SLIT3: variants seen among roughly 807,000 people sequenced by gnomAD.
The protein encoded by SLIT3 is slit guidance ligand 3.
A neutral mutation model predicts 184.0 loss-of-function variants in SLIT3; 68 were observed. That is an observed-to-expected ratio of 0.37 (90% CI 0.30 to 0.45). SLIT3 has a LOEUF of 0.45. SLIT3 is among the 20% of genes least tolerant of loss of function. The probability of loss-of-function intolerance (pLI) is 1.00; values close to 1 mark genes in which losing one functional copy is unlikely to be tolerated. For missense variants in SLIT3, 1,707 were observed against 2,026.0 expected (o/e 0.84, Z 3.02); for synonymous variants, 831 against 828.6 (o/e 1.00, Z -0.05).
At chr5:169,211,631 A>G (rs1764268398) in intron 3 of SLIT3, among the ~76,000 whole-genome samples, 2 of 152,008 alleles carry the variant, frequency 1.3e-5, no homozygotes, top group African/African-American at 4.8e-5. Context: ...AAACATGTCT[A>G]AGTAGCTGGC....
At chr5:169,217,139 A>AC (rs1192225985) in intron 3 of SLIT3, among the ~76,000 whole-genome samples, 5 of 147,710 alleles carry the variant, frequency 3.4e-5, no homozygotes. Flanking sequence ...TTAAAAAAAA[A>AC]AAAAAAAAAA....
chr5:169,212,915 G>C (rs1274017659), intron 3 of SLIT3, among the ~76,000 whole-genome samples: 3 of 152,110 alleles, frequency 2.0e-5, no homozygotes, highest in Admixed American at 6.6e-5. Flanking sequence ...TTTCCCCATT[G>C]CTTGTCTTTG....
At chr5:168,695,905 G>C (rs1762050004) in intron 28 of SLIT3, among the ~76,000 whole-genome samples, 1 of 152,212 alleles carries the variant, frequency 6.6e-6, no homozygotes, top group Admixed American at 6.5e-5. Context: ...TCCTAGCTAA[G>C]TGTCTGGAAA....
At chr5:168,845,826 T>C (rs1158972536) in intron 5 of SLIT3, among the ~76,000 whole-genome samples, 2 of 152,140 alleles carry the variant, frequency 1.3e-5, no homozygotes, top group Non-Finnish European at 2.9e-5. Context: ...CACACTATGG[T>C]CTTTGGGGCT....
chr5:169,125,262 G>T (rs1225446584), intron 4 of SLIT3, among the ~76,000 whole-genome samples: 1 of 152,146 alleles, frequency 6.6e-6, no homozygotes, highest in African/African-American at 2.4e-5. Context: ...TGACCAGGAT[G>T]GTCTCGATCT....
chr5:169,046,539 T>C (rs1000062420), intron 4 of SLIT3, among the ~76,000 whole-genome samples: 7 of 152,276 alleles, frequency 4.6e-5, no homozygotes, highest in Middle Eastern at 3.4e-3. Context: ...TTGGAGCAGA[T>C]CAGAACTGAG....
intron 1 of SLIT3, among the ~76,000 whole-genome samples, chr5:169,278,789 C>T (rs1026575313): frequency 2.0e-4 from 31 of 152,130 alleles, no homozygotes; most frequent in Non-Finnish European, 4.1e-4. Context: ...CTCATTTTGG[C>T]AAGGGGTTTG....
intron 2 of SLIT3, among the ~76,000 whole-genome samples, 192 bp downstream of exon 2, chr5:169,251,196 G>T (rs1024916035): frequency 4.6e-5 from 7 of 152,176 alleles, no homozygotes; most frequent in African/African-American, 1.7e-4. Flanking sequence ...ATCTAGCTCA[G>T]CCAGCAGCAT....
At chr5:169,127,748 T>C (rs1761134708) in intron 4 of SLIT3, among the ~76,000 whole-genome samples, 1 of 152,204 alleles carries the variant, frequency 6.6e-6, no homozygotes, top group Non-Finnish European at 1.5e-5. Flanking sequence ...ACTGTAGTTT[T>C]GTGGCCAAGT....
chr5:168,898,418 A>T (rs1760759865), intron 4 of SLIT3, among the ~76,000 whole-genome samples: 1 of 147,936 alleles, frequency 6.8e-6, no homozygotes, highest in Non-Finnish European at 1.5e-5. Context: ...TTTTTTAAAG[A>T]TCCAGCTCCT....
intron 4 of SLIT3, among the ~76,000 whole-genome samples, chr5:169,103,394 C>T (rs929706219): frequency 1.3e-5 from 2 of 152,128 alleles, no homozygotes; most frequent in Non-Finnish European, 1.5e-5. Flanking sequence ...TTTGAAAAGC[C>T]CTGGCCCAGG....
intron 4 of SLIT3, among the ~76,000 whole-genome samples, chr5:169,032,508 C>CTTTTTT (rs1204072729): frequency 7.7e-6 from 1 of 129,902 alleles, no homozygotes; most frequent in African/African-American, 3.6e-5. Context: ...ATGTGCCAGT[C>CTTTTTT]ATTTTTTTTT....
At chr5:168,891,959 T>C (rs1483552843) in intron 4 of SLIT3, among the ~76,000 whole-genome samples, 10 of 152,200 alleles carry the variant, frequency 6.6e-5, no homozygotes, top group African/African-American at 2.4e-4. Flanking sequence ...AATAACTCTC[T>C]GTGCCAGCCA....
At chr5:168,710,393 C>T (rs1762517163) in intron 25 of SLIT3, among the ~76,000 whole-genome samples, 1 of 152,110 alleles carries the variant, frequency 6.6e-6, no homozygotes, top group South Asian at 2.1e-4. Context: ...AAAAAAATCA[C>T]ATGTACAAAA....
chr5:169,038,927 A>C (rs1271560438), intron 4 of SLIT3, among the ~76,000 whole-genome samples: 1 of 152,212 alleles, frequency 6.6e-6, no homozygotes, highest in African/African-American at 2.4e-5. Flanking sequence ...GAAGAAGTCC[A>C]ACTGATGAAC....
At chr5:168,955,539 T>C (rs1332808461) in intron 4 of SLIT3, among the ~76,000 whole-genome samples, 1 of 152,148 alleles carries the variant, frequency 6.6e-6, no homozygotes, top group African/African-American at 2.4e-5. Context: ...ACCTAAGCCA[T>C]GGGGAAGGAA....
chr5:168,674,649 A>G (rs891274139), intron 32 of SLIT3, among the ~76,000 whole-genome samples: 2 of 151,766 alleles, frequency 1.3e-5, no homozygotes, highest in African/African-American at 4.8e-5. Flanking sequence ...ATGCCACCAC[A>G]AACAGCTAAT....
At chr5:168,672,690 CCTCCAA>C (rs1277439603) in intron 33 of SLIT3, among the ~76,000 whole-genome samples, 1 of 152,170 alleles carries the variant, frequency 6.6e-6, no homozygotes, top group Non-Finnish European at 1.5e-5. Flanking sequence ...CCTAGGCTGG[CCTCCAA>C]CTCCTGGGCT....
At chr5:169,234,771 G>C (rs912764846) in intron 3 of SLIT3, among the ~76,000 whole-genome samples, 1 of 152,134 alleles carries the variant, frequency 6.6e-6, no homozygotes, top group Non-Finnish European at 1.5e-5. Flanking sequence ...CTAAGTTCTT[G>C]AATGTTCATA....
Sources: allele counts gnomAD v4.1 joint callset (sites outside exome capture counted in the v4.1 genomes callset), GRCh38; gene constraint gnomAD v4.1.1; transcripts MANE v1.5; gene names NCBI Gene and HGNC (gene_info 2026-07-23, HGNC 2026-07-21).